Variants in GMDS observed in about 807,000 individuals in gnomAD.
GMDS encodes GDP-mannose 4,6 dehydratase.
Under a neutral mutation model 49.9 loss-of-function variants are expected in GMDS, and 20 were observed. The observed-to-expected ratio is 0.40, with a 90% CI of 0.28 to 0.58. The LOEUF (loss-of-function observed/expected upper bound fraction) is 0.58, where lower values mean the gene tolerates loss of function less well. GMDS is among the 20% of genes least tolerant of loss of function. The pLI, the probability that GMDS is intolerant of heterozygous loss-of-function variation, is 0.42. For missense variants in GMDS, 362 were observed against 481.4 expected (o/e 0.75, Z 2.32); for synonymous variants, 177 against 178.6 (o/e 0.99, Z 0.07).
At chr6:2,170,075 T>C (rs1170296941) in intron 1 of GMDS, among the ~76,000 whole-genome samples, 1 of 152,058 alleles carries the variant, frequency 6.6e-6, no homozygotes, top group South Asian at 2.1e-4. Flanking sequence ...TGGTGGCAGA[T>C]GCCTGTAATC....
intron 4 of GMDS, among the ~76,000 whole-genome samples, chr6:2,050,807 G>A (rs1272042407): frequency 1.3e-5 from 2 of 152,020 alleles, no homozygotes; most frequent in African/African-American, 4.8e-5. Context: ...ATGCAAAAAA[G>A]GCCTTCAACA....
chr6:2,158,354 T>C (rs1777213478), intron 1 of GMDS, among the ~76,000 whole-genome samples: 2 of 152,126 alleles, frequency 1.3e-5, no homozygotes, highest in African/African-American at 4.8e-5. Flanking sequence ...TTCCTTAATT[T>C]ATAATTGAAA....
intron 4 of GMDS, among the ~76,000 whole-genome samples, chr6:2,011,177 G>A (rs1275130695): frequency 1.3e-5 from 2 of 151,946 alleles, no homozygotes; most frequent in Admixed American, 1.3e-4. Context: ...ACATACAAAT[G>A]GCCAAAAAGC....
At chr6:2,187,587 A>C (rs1778834493) in intron 1 of GMDS, among the ~76,000 whole-genome samples, 1 of 152,208 alleles carries the variant, frequency 6.6e-6, no homozygotes, top group Non-Finnish European at 1.5e-5. Context: ...ATCCTATGAG[A>C]GTGGTGCCAC....
intron 4 of GMDS, among the ~76,000 whole-genome samples, chr6:1,977,037 T>C (rs1195273254): frequency 2.0e-5 from 3 of 152,152 alleles, no homozygotes; most frequent in East Asian, 1.9e-4. Context: ...CCTGTACCTA[T>C]GGTACTGTAG....
chr6:1,857,588 T>C (rs150899321), intron 7 of GMDS, among the ~76,000 whole-genome samples: 72 of 152,332 alleles, frequency 4.7e-4, no homozygotes, highest in African/African-American at 1.6e-3. Context: ...TAAATATATT[T>C]GCTTCCTGTT....
chr6:2,154,185 G>C (rs1186574031), intron 1 of GMDS, among the ~76,000 whole-genome samples: 1 of 152,024 alleles, frequency 6.6e-6, no homozygotes, highest in Non-Finnish European at 1.5e-5. Context: ...TTATATTTCA[G>C]GGTAGATTTT....
At chr6:1,705,759 A>G (rs1765714012) in intron 9 of GMDS, among the ~76,000 whole-genome samples, 1 of 152,166 alleles carries the variant, frequency 6.6e-6, no homozygotes, top group Non-Finnish European at 1.5e-5. Context: ...TTCCAGAGGA[A>G]GTTCCAGTAA....
intron 4 of GMDS, among the ~76,000 whole-genome samples, chr6:2,042,245 A>G (rs1198442691): frequency 2.0e-5 from 3 of 151,952 alleles, no homozygotes; most frequent in Middle Eastern, 3.4e-3. Context: ...TGAATACCTT[A>G]AAGTATTCAA....
intron 8 of GMDS, among the ~76,000 whole-genome samples, chr6:1,727,762 T>C (rs988185972): frequency 6.6e-6 from 1 of 152,214 alleles, no homozygotes; most frequent in Non-Finnish European, 1.5e-5. Flanking sequence ...AGGGGAAATA[T>C]TTCACCGTTG....
intron 4 of GMDS, among the ~76,000 whole-genome samples, chr6:2,033,468 T>C (rs548630332): frequency 6.6e-6 from 1 of 152,362 alleles, no homozygotes; most frequent in East Asian, 1.9e-4. Flanking sequence ...TGGTCAGGCA[T>C]AGGACAAATC....
chr6:1,689,859 G>A (rs1268059251), intron 9 of GMDS, among the ~76,000 whole-genome samples: 1 of 152,174 alleles, frequency 6.6e-6, no homozygotes, highest in East Asian at 1.9e-4. Flanking sequence ...AATCATAAAT[G>A]AGTATTCACA....
chr6:1,676,855 T>A (rs1764640785), intron 9 of GMDS, among the ~76,000 whole-genome samples: 1 of 152,062 alleles, frequency 6.6e-6, no homozygotes, highest in South Asian at 2.1e-4. Flanking sequence ...GCAATACCAT[T>A]CAGGACATAG....
intron 4 of GMDS, among the ~76,000 whole-genome samples, chr6:2,074,539 T>G (rs1772208853): frequency 6.6e-6 from 1 of 152,230 alleles, no homozygotes. Context: ...CTATTTTTGT[T>G]TTAGTTCTCT....
chr6:1,852,791 C>T (rs150976461), intron 7 of GMDS, among the ~76,000 whole-genome samples: 2 of 151,648 alleles, frequency 1.3e-5, no homozygotes, highest in South Asian at 2.1e-4. Flanking sequence ...GATGCAACCT[C>T]TGCCTTCCGG....
chr6:2,177,501 A>G (rs1778337009), intron 1 of GMDS, among the ~76,000 whole-genome samples: 1 of 152,214 alleles, frequency 6.6e-6, no homozygotes, highest in African/African-American at 2.4e-5. Context: ...CACCACGATC[A>G]AGTAGGCTTT....
chr6:1,722,062 C>CTTT (rs11356149), intron 9 of GMDS, among the ~76,000 whole-genome samples: 14 of 80,224 alleles, frequency 1.7e-4, no homozygotes, highest in Non-Finnish European at 2.0e-4. Flanking sequence ...GCTATCACGT[C>CTTT]TTTTTTTTTT....
chr6:1,982,761 T>C (rs1001690545), intron 4 of GMDS, among the ~76,000 whole-genome samples: 2 of 152,174 alleles, frequency 1.3e-5, no homozygotes, highest in South Asian at 4.1e-4. Flanking sequence ...CAAATGCTCA[T>C]GGATAGGAAG....
chr6:1,695,174 C>A (rs1328926324), intron 9 of GMDS, among the ~76,000 whole-genome samples: 1 of 152,158 alleles, frequency 6.6e-6, no homozygotes, highest in Admixed American at 6.5e-5. Context: ...AGCTCGTCTG[C>A]ACAATATACC....
Sources: gnomAD v4.1 joint callset for allele counts (sites outside exome capture counted in the v4.1 genomes callset) on GRCh38, gnomAD v4.1.1 for gene constraint, MANE v1.5 for transcripts, NCBI Gene and HGNC (gene_info 2026-07-23, HGNC 2026-07-21) for gene names.